VPS13A: variants seen among roughly 807,000 people sequenced by gnomAD.
VPS13A encodes vacuolar protein sorting 13 homolog A.
Under a neutral mutation model 390.9 loss-of-function variants are expected in VPS13A, and 264 were observed. The observed-to-expected ratio is 0.68, with a 90% CI of 0.61 to 0.75. The LOEUF is 0.75. VPS13A is among the 30% of genes least tolerant of loss of function. The probability of loss-of-function intolerance (pLI) is 0.00; values close to 1 mark genes in which losing one functional copy is unlikely to be tolerated. For synonymous variants in VPS13A, 1,231 were observed against 1,227.1 expected, an observed-to-expected ratio of 1.00 and a Z score of -0.07; for missense variants, 3,409 against 3,733.9, an observed-to-expected ratio of 0.91 and a Z score of 2.27.
At chr9:77,237,901 A>G (rs1824247261) in intron 17 of VPS13A, 101 bp from the exon 18 acceptor site, 2 of 863,178 alleles carry the variant, frequency 2.3e-6, no homozygotes, top group East Asian at 2.6e-5. Flanking sequence ...TCAGAAATGC[A>G]AAGTGAAGTT....
chr9:77,324,795 A>C (rs1391338587), intron 45 of VPS13A, among the ~76,000 whole-genome samples: 2 of 151,222 alleles, frequency 1.3e-5, no homozygotes, highest in East Asian at 2.0e-4. Context: ...TCCTATCTCA[A>C]CCTCCCGAGC....
intron 1 of VPS13A, among the ~76,000 whole-genome samples, chr9:77,180,943 G>A (rs945715247): frequency 7.2e-5 from 11 of 152,124 alleles, no homozygotes; most frequent in African/African-American, 2.7e-4. Context: ...CCAGCACTTT[G>A]GAAGGCTGAG....
At chr9:77,296,332 T>G (rs1468184994) in intron 33 of VPS13A, among the ~76,000 whole-genome samples, 6 of 152,222 alleles carry the variant, frequency 3.9e-5, no homozygotes, top group Non-Finnish European at 7.3e-5. Flanking sequence ...TAACCAAATG[T>G]TCAAATAGTT....
At chr9:77,214,488 T>C (rs1410206887) in intron 10 of VPS13A, 102 bp downstream of exon 10, 2 of 872,684 alleles carry the variant, frequency 2.3e-6, no homozygotes, top group African/African-American at 1.7e-5. Flanking sequence ...TAAATTTCCT[T>C]CTATATAGTT....
chr9:77,318,480 G>A lies in VPS13A; in HGVS notation c.5202G>A (p.Glu1734=). 1 of 1,613,920 alleles carries A rather than the reference G, an allele frequency of 6.2e-7. No homozygotes were observed. Reference sequence around the variant, plus strand: ...TTGATTCTATTTTTATAGTTCTTGAGGCTGGAATTGGTCATAGAACAGTAC... The same window carrying A: ...TTGATTCTATTTTTATAGTTCTTGAAGCTGGAATTGGTCATAGAACAGTAC... ...MNIDSIFIVL[E]AGIGHRTVPM... The change falls in exon 41 of 72, where the codon GAG becomes GAA. Residue 1734 remains glutamate, a synonymous_variant. Transcript: ENST00000360280.
chr9:77,349,273 C>T (rs1018649404), intron 52 of VPS13A, among the ~76,000 whole-genome samples: 1 of 152,028 alleles, frequency 6.6e-6, no homozygotes, highest in African/African-American at 2.4e-5. Flanking sequence ...GTGAGCATAT[C>T]AATTTGCTTC....
chr9:77,187,241 A>G (rs1193610993), intron 1 of VPS13A, among the ~76,000 whole-genome samples: 1 of 152,188 alleles, frequency 6.6e-6, no homozygotes, highest in Non-Finnish European at 1.5e-5. Flanking sequence ...TTTGGGTTAC[A>G]TACCCAGAAG....
At position 77,342,610 on chromosome 9, in the gene VPS13A, A is replaced by G. The variant is rs575917987; in HGVS notation, c.7027-1543A>G. ...ATGCACAAAATTATTTAAATATTGT[A>G]TAAAATTACTTTTGGGCTATGTGTA... On this transcript the variant is annotated intron_variant, in intron 50 of 71. Coordinates refer to ENST00000360280, the MANE Select transcript of VPS13A (RefSeq NM_033305.3). Among the ~76,000 whole-genome samples the G allele has an allele frequency of 1.2e-4, 18 of 152,330 alleles. No homozygotes were observed. In the East Asian group the frequency reaches 3.1e-3, roughly 26 times the overall value.
Position 77,228,236 on chromosome 9 carries a change from G to A in VPS13A, c.1567G>A (p.Val523Met). The A allele has an allele frequency of 6.2e-7, 1 of 1,601,122 alleles. No individual in the cohort carries two copies. The highest frequency in any genetic ancestry group is 8.5e-7 in the Non-Finnish European group (1 of 1,173,408). Reference protein sequence around the residue: ...IVIEEFSTLIVQRPGAQAIKF... With the variant: ...IVIEEFSTLIMQRPGAQAIKF... ...AATAGAAGAATTTAGCACCTTAATT[G>A]TGCAAAGACCAGGAGCACAAGCAAT... Residue 523 changes from valine to methionine, a missense_variant, in exon 17 of 72, where the codon GTG becomes ATG. Coordinates refer to ENST00000360280, the MANE Select transcript of VPS13A (RefSeq NM_033305.3).
At chr9:77,414,144 G>C (rs990244606) in intron 71 of VPS13A, among the ~76,000 whole-genome samples, 41 of 152,292 alleles carry the variant, frequency 2.7e-4, no homozygotes, top group Middle Eastern at 3.4e-3. Flanking sequence ...GTTGGTGGGA[G>C]TGTAAACTAG....
intron 60 of VPS13A, among the ~76,000 whole-genome samples, chr9:77,365,919 C>A (rs1254268259): frequency 1.3e-5 from 2 of 151,924 alleles, no homozygotes; most frequent in Non-Finnish European, 2.9e-5. Flanking sequence ...TGAATGGTAT[C>A]AAATCTAAGT....
At chr9:77,357,957 T>TC (rs1831911592) in intron 56 of VPS13A, 119 bp downstream of exon 56, 1 of 887,400 alleles carries the variant, frequency 1.1e-6, no homozygotes, top group African/African-American at 1.8e-5. Context: ...CTAGCCTTTT[T>TC]TTTTTTTTTT....
At chr9:77,386,570 C>T (rs955672862) in intron 68 of VPS13A, among the ~76,000 whole-genome samples, 3 of 151,848 alleles carry the variant, frequency 2.0e-5, no homozygotes, top group African/African-American at 7.3e-5. Flanking sequence ...GGTAGGATTA[C>T]ATTTATTTAA....
At chr9:77,386,693 C>G (rs1833697854) in intron 68 of VPS13A, among the ~76,000 whole-genome samples, 1 of 146,262 alleles carries the variant, frequency 6.8e-6, no homozygotes, top group Non-Finnish European at 1.5e-5. Flanking sequence ...ATGAGATGTG[C>G]TCTTTATTTT....
At chr9:77,230,910 T>G (rs1823794322) in intron 17 of VPS13A, among the ~76,000 whole-genome samples, 1 of 152,160 alleles carries the variant, frequency 6.6e-6, no homozygotes, top group Non-Finnish European at 1.5e-5. Context: ...TTATTTAGAT[T>G]TTTAAAATTT....
chr9:77,319,402 G>A (rs1010577466), intron 41 of VPS13A, among the ~76,000 whole-genome samples, 170 bp from the exon 42 acceptor site: 1 of 152,054 alleles, frequency 6.6e-6, no homozygotes, highest in Non-Finnish European at 1.5e-5. Context: ...TGTGAAGAGC[G>A]AATATGTACT....
rs1564630578 is a variant in VPS13A at position 77,207,254 on chromosome 9, A to ATAT, written c.385+1175_385+1176insTAT. Among the ~76,000 whole-genome samples, 333 of 53,416 alleles carry ATAT rather than the reference A, an allele frequency of 6.2e-3. 6 individuals are homozygous for ATAT. The highest frequency in any genetic ancestry group is 0.023 in the East Asian group (26 of 1,116). 35.0% of individuals were successfully genotyped at this position (53,416 alleles called of 152,430 possible). A position where few individuals can be genotyped will look rare whatever the true frequency, so the allele number is the denominator to read the frequency against. Reference sequence around the variant, plus strand: ...ATATATATATATATATATATATATAAAACGTGTTATATGTAACATAACATG... The same window carrying ATAT: ...ATATATATATATATATATATATATAATATAACGTGTTATATGTAACATAACATG... On this transcript the variant is annotated intron_variant, in intron 5 of 71. Transcript: ENST00000360280.
At chr9:77,283,706 G>C in intron 31 of VPS13A, 56 bp downstream of exon 31, 1 of 1,363,550 alleles carries the variant, frequency 7.3e-7, no homozygotes, top group Non-Finnish European at 1.0e-6. Flanking sequence ...TGTCCTTTAA[G>C]AGTGGTCATA....
rs541823714 is a variant in VPS13A, at chr9:77,201,436, T to C, written c.187+29T>C. ...AGCCATATTCATTATTGGGATATCCTCCTTCCTGGACATGCAGCCAGAATA... is the reference window on the plus strand; with the variant it reads ...AGCCATATTCATTATTGGGATATCCCCCTTCCTGGACATGCAGCCAGAATA... On this transcript the variant is annotated intron_variant, in intron 3 of 71. Coordinates refer to ENST00000360280, the MANE Select transcript of VPS13A (RefSeq NM_033305.3). 3.8e-6 allele frequency: 6 copies of C among 1,569,574 alleles called. No individual in the cohort carries two copies. The East Asian group carries it at 1.3e-4, about 35-fold the overall frequency.
Sources: gnomAD v4.1 joint callset for allele counts (sites outside exome capture counted in the v4.1 genomes callset) on GRCh38, gnomAD v4.1.1 for gene constraint, MANE v1.5 for transcripts, NCBI Gene and HGNC (gene_info 2026-07-23, HGNC 2026-07-21) for gene names.